Variants in STXBP4 observed in about 807,000 individuals in gnomAD.
STXBP4 encodes syntaxin-binding protein 4.
STXBP4 carries 55 observed loss-of-function variants against 76.1 expected under a neutral mutation model. The ratio of observed to expected loss-of-function variants is 0.72; its 90% CI spans 0.58 to 0.91. STXBP4 has a LOEUF of 0.91. STXBP4 is among the 40% of genes least tolerant of loss of function. The probability of loss-of-function intolerance (pLI) is 0.00; values close to 1 mark genes in which losing one functional copy is unlikely to be tolerated. For missense variants in STXBP4, 618 were observed against 636.9 expected (o/e 0.97, Z 0.32); for synonymous variants, 201 against 220.2 (o/e 0.91, Z 0.77).
intron 16 of STXBP4, among the ~76,000 whole-genome samples, chr17:55,101,818 G>A (rs796265948): frequency 6.6e-6 from 1 of 152,000 alleles, no homozygotes; most frequent in African/African-American, 2.4e-5. Context: ...ATTTTTTCTC[G>A]ATCTACAGAG....
chr17:55,208,120 A>T, the STXBP4 span, among the ~76,000 whole-genome samples: 12 of 151,354 alleles, frequency 7.9e-5, no homozygotes, highest in Admixed American at 6.6e-4. Flanking sequence ...TCATAATTAC[A>T]GCCTTTTCAC....
chr17:55,112,344 A>T (rs765516488), intron 16 of STXBP4, among the ~76,000 whole-genome samples: 1 of 152,204 alleles, frequency 6.6e-6, no homozygotes. Context: ...TTCTCACTAG[A>T]ATATAAGCTT....
chr17:55,165,815 C>G lies in STXBP4; in HGVS notation c.*5904C>G, dbSNP rs1205500309. On this transcript the variant is annotated 3_prime_UTR_variant, in exon 18 of 18. Coordinates refer to ENST00000376352, the MANE Select transcript of STXBP4 (RefSeq NM_178509.6). Reference sequence around the variant, plus strand: ...AGAGGCTTCAGGGAACCTGTTTGCCCCTTCTGCCTTGTGAGGATGCAGCAA... The same window carrying G: ...AGAGGCTTCAGGGAACCTGTTTGCCGCTTCTGCCTTGTGAGGATGCAGCAA... The G allele has an allele frequency of 6.6e-6, 1 of 152,236 alleles. No individual in the cohort carries two copies. The highest frequency in any genetic ancestry group is 1.5e-5 in the Non-Finnish European group (1 of 68,086). 9.4% of individuals were successfully genotyped at this position (152,236 alleles called of 1,614,324 possible). A position where few individuals can be genotyped will look rare whatever the true frequency, so the allele number is the denominator to read the frequency against.
intron 10 of STXBP4, among the ~76,000 whole-genome samples, chr17:55,035,823 A>G (rs9905774): frequency 0.018 from 2,809 of 151,998 alleles, 70 homozygotes; most frequent in African/African-American, 0.065. Flanking sequence ...TCTTGGCTTC[A>G]TAAGTCTTGA....
At chr17:55,095,399 G>GA (rs2079472091) in intron 16 of STXBP4, among the ~76,000 whole-genome samples, 1 of 152,164 alleles carries the variant, frequency 6.6e-6, no homozygotes, top group Non-Finnish European at 1.5e-5. Flanking sequence ...CGCAAGGCCT[G>GA]AAAATCTCCT....
chr17:55,148,946 A>G (rs2080186053), intron 17 of STXBP4, among the ~76,000 whole-genome samples: 1 of 152,158 alleles, frequency 6.6e-6, no homozygotes, highest in Non-Finnish European at 1.5e-5. Context: ...AATTAGTAAG[A>G]TCTAAGGCTC....
chr17:55,042,844 A>C (rs781512054), intron 10 of STXBP4, among the ~76,000 whole-genome samples: 14 of 152,156 alleles, frequency 9.2e-5, no homozygotes, highest in Admixed American at 2.6e-4. Context: ...TCTGATTTAT[A>C]ATGTACAGCA....
chr17:54,994,259 A>AC (rs1209939957), intron 4 of STXBP4, among the ~76,000 whole-genome samples: 1 of 152,132 alleles, frequency 6.6e-6, no homozygotes, highest in East Asian at 1.9e-4. Context: ...TCTGGCCAAG[A>AC]CACTCCTTTA....
At chr17:55,024,946 G>A (rs2078384886) in intron 8 of STXBP4, among the ~76,000 whole-genome samples, 1 of 151,904 alleles carries the variant, frequency 6.6e-6, no homozygotes, top group African/African-American at 2.4e-5. Context: ...AACCATCCTG[G>A]CTAACACAGT....
chr17:55,090,051 G>A (rs2079390471), intron 16 of STXBP4, among the ~76,000 whole-genome samples: 1 of 152,102 alleles, frequency 6.6e-6, no homozygotes, highest in Admixed American at 6.5e-5. Context: ...AGTAACGATT[G>A]TGGGAATAAC....
intron 16 of STXBP4, among the ~76,000 whole-genome samples, chr17:55,126,566 G>A (rs190887051): frequency 5.5e-4 from 83 of 152,246 alleles, no homozygotes; most frequent in African/African-American, 2.0e-3. Flanking sequence ...AAGCATTTGT[G>A]AAAATTCAGT....
intron 12 of STXBP4, among the ~76,000 whole-genome samples, chr17:55,072,361 G>A (rs1256034582): frequency 6.6e-6 from 1 of 152,230 alleles, no homozygotes; most frequent in East Asian, 1.9e-4. Flanking sequence ...TCAACAACAC[G>A]ATTATGTACT....
In STXBP4 at chr17:55,052,950, T is replaced by G. The variant is rs560750590; in HGVS notation, c.1011+5796T>G. Among the ~76,000 whole-genome samples, 153 of 133,502 alleles carry G rather than the reference T, an allele frequency of 1.1e-3. 4 individuals carry two copies. In the South Asian group the frequency reaches 0.037, roughly 33 times the overall value. 87.6% of individuals were successfully genotyped at this position (133,502 alleles called of 152,430 possible). ...GTGTGTGTGTGTGTGTGTGTGTGTG[T>G]GGGTTGTATTCTTTAGAAATGTCAA... On this transcript the variant is annotated intron_variant, in intron 12 of 17. Coordinates refer to ENST00000376352, the MANE Select transcript of STXBP4 (RefSeq NM_178509.6).
intron 16 of STXBP4, among the ~76,000 whole-genome samples, chr17:55,114,343 A>G (rs1217906026): frequency 2.6e-5 from 4 of 152,074 alleles, no homozygotes; most frequent in African/African-American, 9.7e-5. Context: ...ATGCCCTCAT[A>G]TTTAAGTCAA....
chr17:55,006,242 T>C (rs1176586882), intron 7 of STXBP4, among the ~76,000 whole-genome samples: 1 of 152,146 alleles, frequency 6.6e-6, no homozygotes, highest in African/African-American at 2.4e-5. Flanking sequence ...AGATTTTACA[T>C]AGAATGTTAA....
In STXBP4 at chr17:54,972,806, C is replaced by T. The variant is rs1303574389; in HGVS notation, c.-157+3991C>T. The stretch of plus-strand genomic sequence containing the variant: ...AACAAGTGTGCATATGTGTGTTCAA[C>T]AGCAGGAAATCTGGCTACCTTTATC... On this transcript the variant is annotated intron_variant, in intron 1 of 17. Coordinates refer to ENST00000376352, the MANE Select transcript of STXBP4 (RefSeq NM_178509.6). Among the ~76,000 whole-genome samples the T allele has an allele frequency of 2.6e-5, 4 of 152,184 alleles. 1 individual carries two copies. Among genetic ancestry groups the T allele is most frequent in the African/African-American group, 9.7e-5 (4 of 41,438 alleles).
the STXBP4 span, among the ~76,000 whole-genome samples, chr17:55,189,927 AG>A: frequency 2.0e-5 from 3 of 152,210 alleles, no homozygotes; most frequent in Non-Finnish European, 4.4e-5. Flanking sequence ...CTAGAAGAGT[AG>A]AGAAAATAAC....
intron 4 of STXBP4, among the ~76,000 whole-genome samples, chr17:54,992,108 CT>C: frequency 6.6e-6 from 1 of 152,154 alleles, no homozygotes; most frequent in East Asian, 1.9e-4. Flanking sequence ...TTTAAATATA[CT>C]TTCCGAGTTC....
At chr17:55,077,312 C>G (rs1458554355) in intron 13 of STXBP4, among the ~76,000 whole-genome samples, 1 of 152,076 alleles carries the variant, frequency 6.6e-6, no homozygotes, top group Non-Finnish European at 1.5e-5. Context: ...TAGCCTGGGA[C>G]CAATTTAAAG....
Sources: allele counts gnomAD v4.1 joint callset (sites outside exome capture counted in the v4.1 genomes callset), GRCh38; gene constraint gnomAD v4.1.1; transcripts MANE v1.5; gene names NCBI Gene and HGNC (gene_info 2026-07-23, HGNC 2026-07-21).